MVB12B: variants seen among roughly 807,000 people sequenced by gnomAD.
MVB12B encodes the protein multivesicular body subunit 12B.
In MVB12B, 16 loss-of-function variants were observed where a neutral mutation model predicts 41.6. The observed-to-expected ratio is 0.38, with a 90% confidence interval of 0.26 to 0.58. MVB12B has a LOEUF of 0.58. Among genes scored for constraint, MVB12B ranks in the 20% least tolerant of loss-of-function variants. The pLI is 0.62. For synonymous variants in MVB12B, 133 were observed against 139.7 expected (o/e 0.95, Z 0.34); for missense variants, 274 against 380.2 (o/e 0.72, Z 2.32).
chr9:126,485,508 G>A (rs541261255), intron 9 of MVB12B, among the ~76,000 whole-genome samples: 60 of 117,264 alleles, frequency 5.1e-4, no homozygotes, highest in Non-Finnish European at 4.8e-4. Context: ...TGAGGTCAGA[G>A]TACCTTCCAC....
intron 7 of MVB12B, among the ~76,000 whole-genome samples, chr9:126,428,939 C>T (rs1342950138): frequency 1.3e-5 from 2 of 152,054 alleles, no homozygotes; most frequent in Non-Finnish European, 2.9e-5. Flanking sequence ...CCCTGGCTTC[C>T]CTGAGGTTCT....
At chr9:126,338,479 A>T (rs1184338994) in intron 1 of MVB12B, among the ~76,000 whole-genome samples, 1 of 151,712 alleles carries the variant, frequency 6.6e-6, no homozygotes. Context: ...AGCAAATAAG[A>T]TACTGCTTAT....
chr9:126,435,455 A>G (rs1008353921), intron 7 of MVB12B, among the ~76,000 whole-genome samples: 24 of 152,162 alleles, frequency 1.6e-4, no homozygotes, highest in Admixed American at 1.6e-3. Context: ...GGGTAAAATG[A>G]TTTTAAAGAG....
intron 7 of MVB12B, among the ~76,000 whole-genome samples, chr9:126,466,829 A>AT (rs35685129): frequency 0.02 from 2,933 of 147,740 alleles, 45 homozygotes; most frequent in Non-Finnish European, 0.031. Context: ...GGGAAATCAG[A>AT]TTTTTTTTTT....
chr9:126,502,195 G>T (rs1232184322), intron 9 of MVB12B, among the ~76,000 whole-genome samples: 3 of 152,156 alleles, frequency 2.0e-5, no homozygotes, highest in South Asian at 2.1e-4. Context: ...CTGCCTTGAC[G>T]CAGGGTTCCA....
intron 2 of MVB12B, among the ~76,000 whole-genome samples, chr9:126,341,049 G>T (rs999796393): frequency 1.3e-5 from 2 of 152,230 alleles, no homozygotes; most frequent in Admixed American, 1.3e-4. Context: ...AACTCATTTA[G>T]CTCTCTTGGG....
At chr9:126,481,731 C>T (rs2119206327) in intron 8 of MVB12B, among the ~76,000 whole-genome samples, 1 of 152,342 alleles carries the variant, frequency 6.6e-6, no homozygotes, top group Non-Finnish European at 1.5e-5. Context: ...AAGAGGCTGT[C>T]AGACAAGCTC....
Position 126,436,731 on chromosome 9 carries a change from ACAGTGG to A in MVB12B, c.757+14785_757+14790del, listed in dbSNP as rs1832488711. Among the ~76,000 whole-genome samples the A allele has an allele frequency of 6.6e-6, 1 of 152,234 alleles. No homozygotes were observed. Among genetic ancestry groups the A allele is most frequent in the Non-Finnish European group, 1.5e-5 (1 of 68,042 alleles). The stretch of plus-strand genomic sequence containing the variant: ...CTGGCAGTCCAGTCCACTTGTGGGC[ACAGTGG>A]CTGGCCCCTGCAGAGCCTAAGGGGC... On this transcript the variant is annotated intron_variant, in intron 7 of 9. Coordinates refer to ENST00000361171, the MANE Select transcript of MVB12B (RefSeq NM_033446.3). The surrounding 1 kb of genome is among the most constrained non-coding windows in gnomAD (Gnocchi z 4.1).
intron 2 of MVB12B, among the ~76,000 whole-genome samples, chr9:126,372,606 G>T (rs1167051290): frequency 6.6e-6 from 1 of 152,180 alleles, no homozygotes; most frequent in Non-Finnish European, 1.5e-5. Context: ...TCTCATTGTG[G>T]TTAAGTGCCT....
At chr9:126,422,291 C>T (rs532657073) in intron 7 of MVB12B, among the ~76,000 whole-genome samples, 1 of 152,182 alleles carries the variant, frequency 6.6e-6, no homozygotes, top group Non-Finnish European at 1.5e-5. Flanking sequence ...CCGAGCTGAG[C>T]CCTGGTCGGC....
chr9:126,481,762 A>G (rs1588204670), intron 8 of MVB12B, among the ~76,000 whole-genome samples: 1 of 152,234 alleles, frequency 6.6e-6, no homozygotes, highest in Non-Finnish European at 1.5e-5. Context: ...AGCCTTTGCC[A>G]TGCCGCACGT....
chr9:126,470,357 G>T (rs546133066), intron 7 of MVB12B, among the ~76,000 whole-genome samples: 2 of 152,338 alleles, frequency 1.3e-5, no homozygotes, highest in African/African-American at 4.8e-5. Context: ...CTGAGGCTCA[G>T]TGAGAATGTT....
chr9:126,426,433 G>A (rs927959440), intron 7 of MVB12B, among the ~76,000 whole-genome samples: 1 of 152,074 alleles, frequency 6.6e-6, no homozygotes, highest in African/African-American at 2.4e-5. Context: ...CCTCTTCCGG[G>A]TCATGTTGAT....
At chr9:126,345,438 A>G (rs1482759245) in intron 2 of MVB12B, among the ~76,000 whole-genome samples, 2 of 152,266 alleles carry the variant, frequency 1.3e-5, no homozygotes, top group African/African-American at 2.4e-5. Context: ...CTGAAAGTCC[A>G]GGTAAGGGAT....
rs1232083857 is a variant in MVB12B, at chr9:126,381,024, T to C, written c.205-40T>C. 2.6e-6 allele frequency: 4 copies of C among 1,567,356 alleles called. No individual in the cohort carries two copies. In the African/African-American group the frequency reaches 5.4e-5, roughly 21 times the overall value. On this transcript the variant is annotated intron_variant, in intron 2 of 9. Coordinates refer to ENST00000361171, the MANE Select transcript of MVB12B (RefSeq NM_033446.3). ...CCCACGCGCACCTTCAGTTCCTTCC[T>C]GCCTTACCTGCAATCCTTTTCTCTG...
intron 1 of MVB12B, among the ~76,000 whole-genome samples, chr9:126,331,833 CA>C (rs1829139625): frequency 6.6e-6 from 1 of 152,156 alleles, no homozygotes; most frequent in South Asian, 2.1e-4. Flanking sequence ...AAGGAGGCCC[CA>C]TGGGGGTCTG....
At chr9:126,411,559 A>T (rs1268317630) in intron 6 of MVB12B, among the ~76,000 whole-genome samples, 1 of 152,240 alleles carries the variant, frequency 6.6e-6, no homozygotes, top group Non-Finnish European at 1.5e-5. Context: ...GGTTTATAAG[A>T]TAGTGAATAT....
chr9:126,422,087 G>A, intron 7 of MVB12B, 139 bp downstream of exon 7: 1 of 652,918 alleles, frequency 1.5e-6, no homozygotes, highest in South Asian at 1.7e-5. Context: ...GTTCCCTGCA[G>A]GGACCAGGCC....
intron 6 of MVB12B, among the ~76,000 whole-genome samples, chr9:126,406,693 T>G (rs1831438957): frequency 6.6e-6 from 1 of 152,232 alleles, no homozygotes; most frequent in Non-Finnish European, 1.5e-5. Flanking sequence ...CAGACTTGGC[T>G]TTTTTCTTCA....
Sources: gnomAD v4.1 joint callset for allele counts (sites outside exome capture counted in the v4.1 genomes callset) on GRCh38, gnomAD v4.1.1 for gene constraint, Gnocchi (gnomAD v3.1) non-coding constraint, MANE v1.5 for transcripts, NCBI Gene and HGNC (gene_info 2026-07-23, HGNC 2026-07-21) for gene names.